The following CSKMT variants were observed in gnomAD, a reference collection of about 807,000 sequenced individuals.
The protein encoded by CSKMT is citrate synthase lysine methyltransferase.
Under a neutral mutation model 4.6 loss-of-function variants are expected in CSKMT, and 6 were observed. That is an observed-to-expected ratio of 1.31 (90% CI 0.72 to 2.59). CSKMT has a LOEUF of 2.59. Among genes scored for constraint, CSKMT ranks in the 30% most tolerant of loss-of-function variants. The probability of loss-of-function intolerance (pLI) is 0.00; values close to 1 mark genes in which losing one functional copy is unlikely to be tolerated. For missense variants in CSKMT, 328 were observed against 298.0 expected (o/e 1.10, Z -0.74); for synonymous variants, 142 against 128.9 (o/e 1.10, Z -0.69).
In CSKMT at chr11:62,667,611, G is replaced by C. The variant is rs763842644; in HGVS notation, c.*560G>C. 2 of 1,614,158 alleles carry C rather than the reference G, an allele frequency of 1.2e-6. No homozygotes were observed. The highest frequency in any genetic ancestry group is 8.5e-7 in the Non-Finnish European group (1 of 1,180,038). ...AGCCTGTTGAGTCCCAGAAGGGACA[G>C]TGGTTGGTGGCTTCCAGACATGCTG... On this transcript the variant is annotated 3_prime_UTR_variant, in exon 3 of 3. Transcript: ENST00000532971.
In CSKMT at chr11:62,665,952, GAGGTGGGGGCAGAGTGGAGAGGGCA is replaced by G. The variant is rs371249223; in HGVS notation, c.67+24_67+48del. 2.3e-3 allele frequency: 3,641 copies of G among 1,610,508 alleles called. 11 individuals are homozygous for G. Among genetic ancestry groups the G allele is most frequent in the South Asian group, 7.1e-3 (649 of 91,022 alleles). ...GACGTGCCGCCCCTTTGCGGGTAGG[GAGGTGGGGGCAGAGTGGAGAGGGCA>G]AGGTGGGGGCAGAGTGGGGAGGGTA... is the stretch of plus-strand genomic sequence containing the variant. On this transcript the variant is annotated splice_region_variant and intron_variant, in intron 2 of 2. Coordinates refer to ENST00000532971, the MANE Select transcript of CSKMT (RefSeq NM_001043229.2).
Position 62,666,902 on chromosome 11 carries a change from GGGACCCTGATTCAGTTCTCAGATGA to G in CSKMT, c.585_609del (p.Ile195MetfsTer16), listed in dbSNP as rs755907317. 1.1e-4 allele frequency: 172 copies of G among 1,614,008 alleles called. 1 individual carries two copies. The East Asian group carries it at 1.7e-3, about 16-fold the overall frequency. On this transcript the variant is annotated frameshift_variant, in exon 3 of 3. Coordinates refer to ENST00000532971, the MANE Select transcript of CSKMT (RefSeq NM_001043229.2). LOFTEE classifies it high-confidence loss of function. Reference sequence around the variant, plus strand: ...ATGCTTGAGGGTTCTAAACCCTCAGGGGACCCTGATTCAGTTCTCAGATGAGGACCCTGATGTGCGACTGCCCTGC... The same window carrying G: ...ATGCTTGAGGGTTCTAAACCCTCAGGGGACCCTGATGTGCGACTGCCCTGC...
At chr11:62,666,223 C>T in intron 2 of CSKMT, 173 bp from the exon 3 acceptor site, 1 of 764,258 alleles carries the variant, frequency 1.3e-6, no homozygotes, top group African/African-American at 1.8e-5. Context: ...ATAGTCCTAG[C>T]TACTCAGGAG....
At position 62,667,433 on chromosome 11, in the gene CSKMT, G is replaced by T; in HGVS notation, c.*382G>T. The T allele has an allele frequency of 1.5e-6, 2 of 1,365,790 alleles. No individual in the cohort carries two copies. Among genetic ancestry groups the T allele is most frequent in the Non-Finnish European group, 2.1e-6 (2 of 960,182 alleles). 84.6% of individuals were successfully genotyped at this position (1,365,790 alleles called of 1,614,324 possible). On this transcript the variant is annotated 3_prime_UTR_variant, in exon 3 of 3. Transcript: ENST00000532971. ...GGCCTAACCTGTAAGCCTCATTTTT[G>T]TCACCTGTAAAAGGAGATTGTAAGA...
At chr11:62,666,100 C>T in intron 2 of CSKMT, 154 bp downstream of exon 2, 2 of 942,436 alleles carry the variant, frequency 2.1e-6, no homozygotes, top group Non-Finnish European at 3.1e-6. Context: ...GTAATGCTAA[C>T]ACTTTGCCAG....
rs1335376097 is a variant in CSKMT at position 62,665,887 on chromosome 11, C to T, written c.8C>T (p.Ala3Val). 1.2e-6 allele frequency: 2 copies of T among 1,613,380 alleles called. No individual in the cohort carries two copies. Among genetic ancestry groups the T allele is most frequent in the South Asian group, 2.2e-5 (2 of 91,056 alleles). The change falls in exon 2 of 3, where the codon GCG becomes GTG. Residue 3 changes from alanine (A) to valine (V), a missense_variant. Physicochemically the swap from Ala to Val is moderately conservative, Grantham distance 64. Transcript: ENST00000532971. ...ACTTACCCGAATCTCCAGATGGCCG[C>T]GCTGCGTCGAATGCTCCACTTGCCG... MA[A>V]LRRMLHLPSL... is the part of the protein sequence containing the mutation.
At position 62,667,449 on chromosome 11, in the gene CSKMT, G is replaced by C. The variant is rs1020086542; in HGVS notation, c.*398G>C. On this transcript the variant is annotated 3_prime_UTR_variant, in exon 3 of 3. Coordinates refer to ENST00000532971, the MANE Select transcript of CSKMT (RefSeq NM_001043229.2). ...CTCATTTTTGTCACCTGTAAAAGGA[G>C]ATTGTAAGAGGATGGGTATAAGGAG... The C allele has an allele frequency of 2.0e-6, 3 of 1,476,464 alleles. No homozygotes were observed. The highest frequency in any genetic ancestry group is 1.9e-6 in the Non-Finnish European group (2 of 1,056,220). 91.5% of individuals were successfully genotyped at this position (1,476,464 alleles called of 1,614,324 possible). A position where few individuals can be genotyped will look rare whatever the true frequency, so the allele number is the denominator to read the frequency against.
intron 2 of CSKMT, 25 bp downstream of exon 2, chr11:62,665,971 G>A (rs760598891): frequency 6.3e-7 from 1 of 1,598,142 alleles, no homozygotes; most frequent in African/African-American, 1.4e-5. Flanking sequence ...GCAGAGTGGA[G>A]AGGGCAAGGT....
Position 62,665,886 on chromosome 11 carries a change from G to A in CSKMT, c.7G>A (p.Ala3Thr). The change falls in exon 2 of 3, where the codon GCG (alanine) becomes ACG (threonine). Residue 3 changes from alanine (A) to threonine (T), a missense_variant. Transcript: ENST00000532971. MA[A>T]LRRMLHLPSL... ...AACTTACCCGAATCTCCAGATGGCC[G>A]CGCTGCGTCGAATGCTCCACTTGCC... is the stretch of plus-strand genomic sequence containing the variant. 1 of 1,613,418 alleles carries A rather than the reference G, an allele frequency of 6.2e-7. No individual in the cohort carries two copies. Among genetic ancestry groups the A allele is most frequent in the Non-Finnish European group, 8.5e-7 (1 of 1,179,708 alleles).
chr11:62,667,603 A>C lies in CSKMT; in HGVS notation c.*552A>C, dbSNP rs749546913. The C allele has an allele frequency of 2.2e-5, 36 of 1,613,982 alleles. No individual in the cohort carries two copies. The highest frequency in any genetic ancestry group is 3.0e-5 in the Non-Finnish European group (35 of 1,180,022). On this transcript the variant is annotated 3_prime_UTR_variant, in exon 3 of 3. Coordinates refer to ENST00000532971, the MANE Select transcript of CSKMT (RefSeq NM_001043229.2). ...AACACGGGAGCCTGTTGAGTCCCAG[A>C]AGGGACAGTGGTTGGTGGCTTCCAG...
intron 2 of CSKMT, chr11:62,666,147 GA>G: frequency 1.4e-6 from 1 of 731,060 alleles, no homozygotes; most frequent in Non-Finnish European, 2.2e-6. Flanking sequence ...AGGAGTTCGA[GA>G]CCAACCTAGG....
At position 62,665,831 on chromosome 11, in the gene CSKMT, G is replaced by C. The variant is rs1315478180; in HGVS notation, c.-49G>C. Reference sequence around the variant, plus strand: ...CTCAGGCCTCTCCGGCTGGAGTAGGGTGGACGCTTCACATAAGCTTCTCTG... The same window carrying C: ...CTCAGGCCTCTCCGGCTGGAGTAGGCTGGACGCTTCACATAAGCTTCTCTG... On this transcript the variant is annotated 5_prime_UTR_variant, in exon 2 of 3. Coordinates refer to ENST00000532971, the MANE Select transcript of CSKMT (RefSeq NM_001043229.2). 6.2e-7 allele frequency: 1 copy of C among 1,602,476 alleles called. No individual in the cohort carries two copies. Among genetic ancestry groups the C allele is most frequent in the Admixed American group, 1.7e-5 (1 of 59,682 alleles).
At chr11:62,665,489 G>C in intron 1 of CSKMT, 157 bp downstream of exon 1, 1 of 1,576,090 alleles carries the variant, frequency 6.3e-7, no homozygotes, top group East Asian at 2.3e-5. Context: ...AAGAGGGAAA[G>C]GGCTCTGGCC....
At position 62,666,975 on chromosome 11, in the gene CSKMT, G is replaced by C; in HGVS notation, c.647G>C (p.Trp216Ser). The C allele has an allele frequency of 6.2e-7, 1 of 1,614,148 alleles. No individual in the cohort carries two copies. The highest frequency in any genetic ancestry group is 8.5e-7 in the Non-Finnish European group (1 of 1,180,028). Residue 216 changes from tryptophan to serine, a missense_variant, in exon 3 of 3, where the codon TGG (tryptophan) becomes TCG (serine). Transcript: ENST00000532971. The part of the protein sequence containing the change: ...LPCLEQGSYG[W>S]TVTVQELGPF... ...TGCCTGGAACAAGGGTCCTATGGCT[G>C]GACTGTGACTGTGCAGGAGCTAGGC...
Position 62,665,316 on chromosome 11 carries a change from C to A in CSKMT, c.-250C>A, listed in dbSNP as rs574051134. 7 of 728,458 alleles carry A rather than the reference C, an allele frequency of 9.6e-6. No homozygotes were observed. Among genetic ancestry groups the A allele is most frequent in the African/African-American group, 5.3e-5 (3 of 56,828 alleles). The allele number at this position is 728,458 out of a possible 1,614,324, so 45.1% of individuals were successfully genotyped here. On this transcript the variant is annotated 5_prime_UTR_variant, in exon 1 of 3. Coordinates refer to ENST00000532971, the MANE Select transcript of CSKMT (RefSeq NM_001043229.2). Reference sequence around the variant, plus strand: ...GAGCTCCGCGGTGCGGGAGGCCTTTCGGAGGGTGGTGAGCTAGTAAGTGTG... The same window carrying A: ...GAGCTCCGCGGTGCGGGAGGCCTTTAGGAGGGTGGTGAGCTAGTAAGTGTG...
chr11:62,666,183 A>G lies in CSKMT; in HGVS notation c.68-213A>G, dbSNP rs763362959. 5.7e-6 allele frequency: 4 copies of G among 696,154 alleles called. No homozygotes were observed. In the South Asian group the frequency reaches 7.5e-5, roughly 13 times the overall value. 43.1% of individuals were successfully genotyped at this position (696,154 alleles called of 1,614,324 possible). On this transcript the variant is annotated intron_variant, in intron 2 of 2. Transcript: ENST00000532971. Reference sequence around the variant, plus strand: ...GGCAACATAGCGAGACCCTGTCTACAAAAAAAATTAACCGGGCACGATGGC... The same window carrying G: ...GGCAACATAGCGAGACCCTGTCTACGAAAAAAATTAACCGGGCACGATGGC...
In CSKMT at chr11:62,667,396, G is replaced by T. The variant is rs770090933; in HGVS notation, c.*345G>T. On this transcript the variant is annotated 3_prime_UTR_variant, in exon 3 of 3. Transcript: ENST00000532971. ...TCAAAACCCCTGCGCTGACTGACTT[G>T]TATAATCTAGTGGCCTAACCTGTAA... The T allele has an allele frequency of 3.2e-6, 3 of 947,460 alleles. No individual in the cohort carries two copies. The South Asian group carries it at 4.4e-5, about 14-fold the overall frequency. 58.7% of individuals were successfully genotyped at this position (947,460 alleles called of 1,614,324 possible).
Position 62,666,947 on chromosome 11 carries a change from C to A in CSKMT, c.619C>A (p.Pro207Thr). ...FSDEDPDVRL[P>T]CLEQGSYGWT... The stretch of plus-strand genomic sequence containing the variant: ...AGATGAGGACCCTGATGTGCGACTG[C>A]CCTGCCTGGAACAAGGGTCCTATGG... Residue 207 changes from proline to threonine, a missense_variant, in exon 3 of 3, where the codon CCC becomes ACC. Transcript: ENST00000532971. 1 of 1,614,158 alleles carries A rather than the reference C, an allele frequency of 6.2e-7. No homozygotes were observed. The highest frequency in any genetic ancestry group is 8.5e-7 in the Non-Finnish European group (1 of 1,180,032).
In CSKMT at chr11:62,667,642, TCAAGAATCCAA is replaced by T. The variant is rs1279047228; in HGVS notation, c.*596_*606del. 6.2e-7 allele frequency: 1 copy of T among 1,614,160 alleles called. No individual in the cohort carries two copies. The highest frequency in any genetic ancestry group is 2.2e-5 in the East Asian group (1 of 44,886). On this transcript the variant is annotated 3_prime_UTR_variant, in exon 3 of 3. Coordinates refer to ENST00000532971, the MANE Select transcript of CSKMT (RefSeq NM_001043229.2). ...GGTGGCTTCCAGACATGCTGTGTCC[TCAAGAATCCAA>T]CAAGCATCTTCTTCATCCTGGTCCT...
Sources: allele counts gnomAD v4.1 joint callset, GRCh38; gene constraint gnomAD v4.1.1; transcripts MANE v1.5; gene names NCBI Gene and HGNC (gene_info 2026-07-23, HGNC 2026-07-21).